Variants in TASP1 observed in about 807,000 individuals in gnomAD.
TASP1 encodes the protein taspase 1, also known as threonine aspartase 1.
Under a neutral mutation model 56.6 loss-of-function variants are expected in TASP1, and 16 were observed. That is an observed-to-expected ratio of 0.28 (90% CI 0.19 to 0.43). The LOEUF is 0.43. Ranked by LOEUF, TASP1 falls within the 20% of genes least tolerant of loss-of-function variation. TASP1 has a pLI of 1.00. For synonymous variants in TASP1, 179 were observed against 184.2 expected, an observed-to-expected ratio of 0.97 and a Z score of 0.23; for missense variants, 393 against 511.6, an observed-to-expected ratio of 0.77 and a Z score of 2.24.
At chr20:13,387,588 T>C (rs2041173599), downstream of TASP1, among the ~76,000 whole-genome samples, 1 of 152,244 alleles carries the variant, frequency 6.6e-6, no homozygotes, top group African/African-American at 2.4e-5. Flanking sequence ...GTTGATTCCA[T>C]GTCTTTGCTA....
At chr20:13,474,711 AC>A (rs1191725802) in intron 11 of TASP1, among the ~76,000 whole-genome samples, 1 of 152,162 alleles carries the variant, frequency 6.6e-6, no homozygotes, top group Admixed American at 6.5e-5. Flanking sequence ...GAATCTTCAT[AC>A]TGTTTTCCAT....
At chr20:13,513,453 CAG>C (rs984507573) in intron 10 of TASP1, among the ~76,000 whole-genome samples, 1 of 151,706 alleles carries the variant, frequency 6.6e-6, no homozygotes, top group African/African-American at 2.4e-5. Flanking sequence ...AGTGGGGAGA[CAG>C]AGAGGGAGAA....
At chr20:13,316,691 T>C in the TASP1 span, among the ~76,000 whole-genome samples, 6 of 151,378 alleles carry the variant, frequency 4.0e-5, no homozygotes, top group African/African-American at 1.2e-4. Flanking sequence ...CACATGATCA[T>C]AGAAACAGAT....
At chr20:13,627,958 T>C (rs545819378) in intron 2 of TASP1, among the ~76,000 whole-genome samples, 8 of 152,252 alleles carry the variant, frequency 5.3e-5, no homozygotes, top group African/African-American at 1.9e-4. Context: ...ACCAATCAAA[T>C]TGCTGTAACT....
At chr20:13,316,704 A>G in the TASP1 span, among the ~76,000 whole-genome samples, 1 of 151,940 alleles carries the variant, frequency 6.6e-6, no homozygotes, top group African/African-American at 2.4e-5. Context: ...AAACAGATGC[A>G]GAAAAATCAT....
At chr20:13,142,498 A>G in the TASP1 span, among the ~76,000 whole-genome samples, 1 of 152,258 alleles carries the variant, frequency 6.6e-6, no homozygotes, top group South Asian at 2.1e-4. Flanking sequence ...GCTGGGGAGG[A>G]TTAGGCAGGT....
chr20:13,487,498 C>G (rs368768989), intron 10 of TASP1, among the ~76,000 whole-genome samples: 2 of 152,164 alleles, frequency 1.3e-5, no homozygotes, highest in African/African-American at 4.8e-5. Flanking sequence ...GAGTGCCAGT[C>G]TCTACGGCCA....
the TASP1 span, among the ~76,000 whole-genome samples, chr20:13,131,341 G>A: frequency 3.9e-5 from 6 of 152,062 alleles, no homozygotes; most frequent in South Asian, 6.2e-4. Context: ...AGTGGTGCCC[G>A]GCCTGACATC....
chr20:13,571,000 C>CT (rs1372992911), intron 6 of TASP1, among the ~76,000 whole-genome samples: 1 of 152,166 alleles, frequency 6.6e-6, no homozygotes, highest in Non-Finnish European at 1.5e-5. Context: ...ATTCTCAGCA[C>CT]TCCCATTGGT....
Position 13,427,661 on chromosome 20 carries a change from T to C in TASP1, c.1096+7383A>G, listed in dbSNP as rs145472793. 3.2e-3 allele frequency among the ~76,000 whole-genome samples: 483 copies of C among 152,228 alleles called. 2 individuals are homozygous for C. The highest frequency in any genetic ancestry group is 0.01 in the East Asian group (53 of 5,182). ...AGTAGTAAGATCAGAGAGGCCCACA[T>C]AGGGGCTTCAAACATATGGGTAATG... On this transcript the variant is annotated intron_variant, in intron 12 of 13. Transcript: ENST00000337743.
intron 10 of TASP1, among the ~76,000 whole-genome samples, chr20:13,524,655 T>C (rs1279377421): frequency 6.6e-6 from 1 of 152,168 alleles, no homozygotes; most frequent in Non-Finnish European, 1.5e-5. Flanking sequence ...TAAGAAAAGC[T>C]TTTACTATAA....
the TASP1 span, chr20:13,238,834 G>A: frequency 6.6e-6 from 1 of 152,196 alleles, no homozygotes; most frequent in Non-Finnish European, 1.5e-5. Context: ...AGGATACAAC[G>A]TTCTAAAGAG....
chr20:13,413,959 T>G (rs73088298), intron 13 of TASP1, among the ~76,000 whole-genome samples: 1 of 152,266 alleles, frequency 6.6e-6, no homozygotes, highest in Non-Finnish European at 1.5e-5. Context: ...ATAAAAATAT[T>G]ATACACCACA....
At chr20:13,415,274 T>C (rs1210075475) in intron 13 of TASP1, among the ~76,000 whole-genome samples, 2 of 152,102 alleles carry the variant, frequency 1.3e-5, no homozygotes, top group Non-Finnish European at 2.9e-5. Context: ...TTAAACAGAA[T>C]ACAAACATTG....
chr20:13,435,480 C>T (rs2042969340), intron 11 of TASP1, among the ~76,000 whole-genome samples: 1 of 152,188 alleles, frequency 6.6e-6, no homozygotes, highest in African/African-American at 2.4e-5. Flanking sequence ...CTCAATGACT[C>T]CCTTTGATCA....
the TASP1 span, among the ~76,000 whole-genome samples, chr20:13,141,971 C>T: frequency 6.6e-6 from 1 of 152,206 alleles, no homozygotes; most frequent in Non-Finnish European, 1.5e-5. Context: ...TGTGTGACAA[C>T]TTGGGTTTGT....
chr20:13,302,447 A>G, the TASP1 span, among the ~76,000 whole-genome samples: 3 of 152,118 alleles, frequency 2.0e-5, no homozygotes, highest in Non-Finnish European at 4.4e-5. Flanking sequence ...GGAAATCAAG[A>G]CCTCATGCCT....
chr20:13,564,072 C>G (rs909845102), intron 7 of TASP1, among the ~76,000 whole-genome samples: 4 of 152,008 alleles, frequency 2.6e-5, no homozygotes, highest in African/African-American at 7.2e-5. Flanking sequence ...CCTAGAAGTA[C>G]TGGAAGTCCT....
chr20:13,183,023 T>C, the TASP1 span, among the ~76,000 whole-genome samples: 1 of 152,218 alleles, frequency 6.6e-6, no homozygotes, highest in African/African-American at 2.4e-5. Flanking sequence ...GTGGAGTTTA[T>C]TTCTCCATCC....
Sources: allele counts gnomAD v4.1 joint callset (sites outside exome capture counted in the v4.1 genomes callset), GRCh38; gene constraint gnomAD v4.1.1; transcripts MANE v1.5; gene names NCBI Gene and HGNC (gene_info 2026-07-23, HGNC 2026-07-21).